The following GABRB3 variants were observed in gnomAD, a reference collection of about 807,000 sequenced individuals.
The protein encoded by GABRB3 is gamma-aminobutyric acid receptor subunit beta-3.
In GABRB3, 14 loss-of-function variants were observed where a neutral mutation model predicts 52.1. That is an observed-to-expected ratio of 0.27 (90% CI 0.18 to 0.42). GABRB3 has a LOEUF of 0.42. Among genes scored for constraint, GABRB3 ranks in the 10% least tolerant of loss-of-function variants. The pLI is 1.00. For synonymous variants in GABRB3, 260 were observed against 232.3 expected (o/e 1.12, Z -1.08); for missense variants, 307 against 609.1 (o/e 0.50, Z 5.22).
chr15:26,606,262 T>C (rs761926701), intron 4 of GABRB3, among the ~76,000 whole-genome samples: 1 of 152,110 alleles, frequency 6.6e-6, no homozygotes, highest in Non-Finnish European at 1.5e-5. Flanking sequence ...TCAAGGATAA[T>C]TGAATTGTAC....
intron 3 of GABRB3, chr15:26,625,041 A>G: frequency 1.2e-6 from 1 of 831,950 alleles, no homozygotes; most frequent in Non-Finnish European, 1.4e-6. Flanking sequence ...CAAAAATTGA[A>G]GAGCTGAAGT....
At chr15:26,615,978 T>C (rs983735649) in intron 4 of GABRB3, 1 of 1,289,176 alleles carries the variant, frequency 7.8e-7, no homozygotes, top group African/African-American at 1.5e-5. Flanking sequence ...CAACCCCAGC[T>C]CTCTGCAAAC....
At chr15:26,688,568 C>T (rs1467234776) in intron 3 of GABRB3, among the ~76,000 whole-genome samples, 3 of 152,172 alleles carry the variant, frequency 2.0e-5, no homozygotes, top group Admixed American at 1.3e-4. Flanking sequence ...AAATGAGAGC[C>T]ATAGGTGTGT....
intron 3 of GABRB3, among the ~76,000 whole-genome samples, chr15:26,744,774 G>A (rs541009195): frequency 6.8e-4 from 103 of 151,312 alleles, no homozygotes; most frequent in African/African-American, 2.4e-3. Context: ...TCAAACTCAC[G>A]ACATCAAAAA....
intron 4 of GABRB3, among the ~76,000 whole-genome samples, chr15:26,599,111 A>G (rs1191380587): frequency 2.0e-5 from 3 of 152,222 alleles, no homozygotes; most frequent in Non-Finnish European, 4.4e-5. Flanking sequence ...GACCTTGCCC[A>G]GGAAGGGAGA....
chr15:26,565,168 T>TTGATGATGATGATGA (rs75317901), intron 7 of GABRB3, among the ~76,000 whole-genome samples: 95 of 151,100 alleles, frequency 6.3e-4, no homozygotes, highest in African/African-American at 2.1e-3. Flanking sequence ...GTCTGTTGTA[T>TTGATGATGATGATGA]TGATGATGAT....
chr15:26,706,370 T>C (rs946932017), intron 3 of GABRB3, among the ~76,000 whole-genome samples: 3 of 152,002 alleles, frequency 2.0e-5, no homozygotes, highest in African/African-American at 7.2e-5. Context: ...CCTTGGAAAT[T>C]CACACTTAGC....
chr15:26,638,744 T>G (rs1037409240), intron 3 of GABRB3, among the ~76,000 whole-genome samples: 4 of 152,190 alleles, frequency 2.6e-5, no homozygotes, highest in African/African-American at 9.7e-5. Flanking sequence ...ATGTAATCAG[T>G]CTTCATGACA....
intron 3 of GABRB3, among the ~76,000 whole-genome samples, chr15:26,708,548 G>C (rs1292283935): frequency 6.6e-6 from 1 of 152,230 alleles, no homozygotes; most frequent in Admixed American, 6.5e-5. Context: ...GAGGAGAGGA[G>C]CTATATGGGA....
At chr15:26,748,492 T>G (rs917441808) in intron 3 of GABRB3, among the ~76,000 whole-genome samples, 2 of 152,176 alleles carry the variant, frequency 1.3e-5, no homozygotes, top group Admixed American at 6.5e-5. Flanking sequence ...AGTGTTGAAT[T>G]TATATGTATA....
intron 4 of GABRB3, among the ~76,000 whole-genome samples, chr15:26,607,672 A>G (rs571644250): frequency 2.2e-4 from 34 of 152,290 alleles, no homozygotes; most frequent in Non-Finnish European, 4.4e-4. Context: ...GTGTTTCTAT[A>G]AATTAACACT....
chr15:26,655,066 A>C (rs1887325203), intron 3 of GABRB3, among the ~76,000 whole-genome samples: 1 of 152,176 alleles, frequency 6.6e-6, no homozygotes, highest in African/African-American at 2.4e-5. Context: ...GTTTATAAAA[A>C]GTAAAGCAAA....
chr15:26,704,011 G>A (rs1025471442), intron 3 of GABRB3, among the ~76,000 whole-genome samples: 1 of 152,192 alleles, frequency 6.6e-6, no homozygotes, highest in Admixed American at 6.5e-5. Context: ...GACTCCACTA[G>A]GTAATGCGTT....
intron 3 of GABRB3, chr15:26,624,452 G>C (rs887710309): frequency 1.0e-6 from 1 of 985,476 alleles, no homozygotes; most frequent in Non-Finnish European, 1.2e-6. Flanking sequence ...CACATGGCTT[G>C]CCACAAGAAG....
chr15:26,751,853 G>A, intron 3 of GABRB3, among the ~76,000 whole-genome samples: 1 of 151,988 alleles, frequency 6.6e-6, no homozygotes, highest in Non-Finnish European at 1.5e-5. Flanking sequence ...CACTAGTAAA[G>A]TAGAAACCTT....
chr15:26,661,327 A>G lies in GABRB3; in HGVS notation c.241-39793T>C, dbSNP rs1392470864. ...ATGCATACAAACCCACACACAAAGC[A>G]CATGTACACGCACACACACGCACAC... On this transcript the variant is annotated intron_variant, in intron 3 of 8. Coordinates refer to ENST00000311550, the MANE Select transcript of GABRB3 (RefSeq NM_000814.6). Among the ~76,000 whole-genome samples the G allele has an allele frequency of 2.6e-5, 4 of 152,102 alleles. No individual in the cohort carries two copies. In the East Asian group the frequency reaches 7.7e-4, roughly 29 times the overall value.
rs899683499 is a variant in GABRB3 at position 26,684,933 on chromosome 15, G to A, written c.241-63399C>T. 7.9e-5 allele frequency among the ~76,000 whole-genome samples: 12 copies of A among 152,290 alleles called. No individual in the cohort carries two copies. In the South Asian group the frequency reaches 1.0e-3, roughly 13 times the overall value. On this transcript the variant is annotated intron_variant, in intron 3 of 8. Transcript: ENST00000311550. ...AATGTAACTTGAGGACACTCAATGC[G>A]CACATGCTATTCAAAATCTGGCGCC... is the stretch of plus-strand genomic sequence containing the variant.
At chr15:26,629,127 G>C in intron 3 of GABRB3, 1 of 1,524,550 alleles carries the variant, frequency 6.6e-7, no homozygotes, top group Non-Finnish European at 8.8e-7. Context: ...TACAGGAGAG[G>C]CTGAAGCTCG....
Position 26,642,403 on chromosome 15 carries a change from G to A in GABRB3, c.241-20869C>T. On this transcript the variant is annotated intron_variant, in intron 3 of 8. Coordinates refer to ENST00000311550, the MANE Select transcript of GABRB3 (RefSeq NM_000814.6). ...GAACCAATCCCCTGAATATACTGAG[G>A]GGCAACTGTGTATATATATGTATAC... 3.7e-6 allele frequency: 4 copies of A among 1,078,306 alleles called. No homozygotes were observed. The South Asian group carries it at 5.4e-5, about 15-fold the overall frequency. 66.8% of individuals were successfully genotyped at this position (1,078,306 alleles called of 1,614,324 possible).
Sources: gnomAD v4.1 joint callset for allele counts (sites outside exome capture counted in the v4.1 genomes callset) on GRCh38, gnomAD v4.1.1 for gene constraint, MANE v1.5 for transcripts, NCBI Gene and HGNC (gene_info 2026-07-23, HGNC 2026-07-21) for gene names.